EIF2B5: variants seen among roughly 807,000 people sequenced by gnomAD.
EIF2B5 encodes translation initiation factor eIF2B subunit epsilon.
Under a neutral mutation model 87.3 loss-of-function variants are expected in EIF2B5, and 38 were observed. That is an observed-to-expected ratio of 0.44 (90% CI 0.34 to 0.57). EIF2B5 has a LOEUF of 0.57. Ranked by LOEUF, EIF2B5 falls within the 20% of genes least tolerant of loss-of-function variation. EIF2B5 has a pLI of 0.02. For synonymous variants in EIF2B5, 313 were observed against 339.6 expected, an observed-to-expected ratio of 0.92 and a Z score of 0.86; for missense variants, 784 against 909.5, an observed-to-expected ratio of 0.86 and a Z score of 1.78.
chr3:184,138,311 C>T, intron 5 of EIF2B5, 65 bp downstream of exon 5: 1 of 1,352,456 alleles, frequency 7.4e-7, no homozygotes, highest in Non-Finnish European at 1.1e-6. Flanking sequence ...GTTATTGTCC[C>T]CTTAGAAGGC....
In EIF2B5 at chr3:184,140,602, A is replaced by G. The variant is rs113994072; in HGVS notation, c.1028A>G (p.Tyr343Cys). 2 of 1,613,994 alleles carry G rather than the reference A, an allele frequency of 1.2e-6. No individual in the cohort carries two copies. The highest frequency in any genetic ancestry group is 1.1e-5 in the South Asian group (1 of 91,074). The change falls in exon 7 of 16, where the codon TAC becomes TGC. Residue 343 changes from tyrosine to cysteine, a missense_variant. By Grantham distance (194) the Tyr-to-Cys change is radical. Coordinates refer to ENST00000648915, the MANE Select transcript of EIF2B5 (RefSeq NM_003907.3). ...QSCTHSRHNIYRGPEVSLGHG... is the reference protein window; with the variant it reads ...QSCTHSRHNICRGPEVSLGHG... ...TGCACTCATTCCCGGCACAACATCT[A>G]CCGAGGGCCTGAGGTCAGCCTGGGC...
rs142019679 is a variant in EIF2B5, at chr3:184,135,683, C to A, written c.195+103C>A. 2.8e-6 allele frequency: 4 copies of A among 1,444,074 alleles called. No individual in the cohort carries two copies. The African/African-American group carries it at 4.2e-5, about 15-fold the overall frequency. The allele number at this position is 1,444,074 out of a possible 1,614,324, so 89.5% of individuals were successfully genotyped here. A position where few individuals can be genotyped will look rare whatever the true frequency, so the allele number is the denominator to read the frequency against. ...CAACAGCATGCCCTTGAAGGACCTG[C>A]GTCTATGCTGTTATCCTAAAACCGG... On this transcript the variant is annotated intron_variant, in intron 1 of 15. Transcript: ENST00000648915.
rs1034411626 is a variant in EIF2B5, at chr3:184,136,809, G to A, written c.320+73G>A. On this transcript the variant is annotated intron_variant, in intron 2 of 15. Coordinates refer to ENST00000648915, the MANE Select transcript of EIF2B5 (RefSeq NM_003907.3). Reference sequence around the variant, plus strand: ...TTTTTTCAGGATGAATGTAACTAAGGGGAAATGTGAGAGGGGAAAAATGTG... The same window carrying A: ...TTTTTTCAGGATGAATGTAACTAAGAGGAAATGTGAGAGGGGAAAAATGTG... The A allele has an allele frequency of 1.9e-6, 3 of 1,605,378 alleles. No homozygotes were observed. In the African/African-American group the frequency reaches 4.0e-5, roughly 21 times the overall value.
Position 184,142,476 on chromosome 3 carries a change from T to G in EIF2B5, c.1445-26T>G, listed in dbSNP as rs1713682712. On this transcript the variant is annotated intron_variant, in intron 9 of 15. Transcript: ENST00000648915. This position sits in a 1 kb window ranked among gnomAD's most constrained non-coding sequence, Gnocchi z 5.0. ...AGGGATTGGTGCTTCCGCCGGGCCC[T>G]CTCTATAGATCATTGCCTTTTCCAG... 2 of 1,613,914 alleles carry G rather than the reference T, an allele frequency of 1.2e-6. No individual in the cohort carries two copies. The highest frequency in any genetic ancestry group is 2.7e-5 in the African/African-American group (2 of 74,884).
At chr3:184,143,331 C>T (rs755329788) in intron 12 of EIF2B5, 111 bp from the exon 13 acceptor site, 4 of 1,581,578 alleles carry the variant, frequency 2.5e-6, no homozygotes, top group Non-Finnish European at 2.6e-6. Context: ...CCTAAACCCT[C>T]CCCTTCCATA....
rs1366211385 is a variant in EIF2B5 at position 184,142,485 on chromosome 3, A to G, written c.1445-17A>G. 11 of 1,614,040 alleles carry G rather than the reference A, an allele frequency of 6.8e-6. No individual in the cohort carries two copies. The highest frequency in any genetic ancestry group is 9.3e-6 in the Non-Finnish European group (11 of 1,180,012). Reference sequence around the variant, plus strand: ...TGCTTCCGCCGGGCCCTCTCTATAGATCATTGCCTTTTCCAGGTTACAATC... The same window carrying G: ...TGCTTCCGCCGGGCCCTCTCTATAGGTCATTGCCTTTTCCAGGTTACAATC... On this transcript the variant is annotated splice_polypyrimidine_tract_variant and intron_variant, in intron 9 of 15. Coordinates refer to ENST00000648915, the MANE Select transcript of EIF2B5 (RefSeq NM_003907.3). The surrounding 1 kb of genome is among the most constrained non-coding windows in gnomAD (Gnocchi z 5.0).
intron 5 of EIF2B5, 27 bp from the exon 6 acceptor site, chr3:184,140,053 C>A: frequency 7.9e-6 from 12 of 1,524,230 alleles, no homozygotes; most frequent in South Asian, 2.2e-5. Flanking sequence ...GTACTTAATT[C>A]TAGCCCACTC....
chr3:184,140,823 G>A, intron 7 of EIF2B5, 93 bp downstream of exon 7: 3 of 1,426,356 alleles, frequency 2.1e-6, no homozygotes, highest in Admixed American at 1.8e-5. Context: ...CTACACAAGG[G>A]ACAGTCCCTG....
At chr3:184,135,780 T>C in intron 1 of EIF2B5, 200 bp downstream of exon 1, 1 of 681,094 alleles carries the variant, frequency 1.5e-6, no homozygotes, top group South Asian at 1.8e-5. Context: ...GCATTCGTAA[T>C]GCTGTCCACC....
At chr3:184,143,380 C>T in intron 12 of EIF2B5, 62 bp from the exon 13 acceptor site, 1 of 1,613,506 alleles carries the variant, frequency 6.2e-7, no homozygotes, top group Non-Finnish European at 8.5e-7. Flanking sequence ...CTATCAAAGT[C>T]ATAGTTCTAA....
Position 184,136,469 on chromosome 3 carries a change from G to A in EIF2B5, c.196-143G>A, listed in dbSNP as rs528407874. On this transcript the variant is annotated intron_variant, in intron 1 of 15. Coordinates refer to ENST00000648915, the MANE Select transcript of EIF2B5 (RefSeq NM_003907.3). ...TTAGAGCATGGCATGAACATCAAAG[G>A]CAGGAACCTGTTTATCTTTGAATTG... The A allele has an allele frequency of 6.3e-6, 7 of 1,103,748 alleles. No homozygotes were observed. In the East Asian group the frequency reaches 1.7e-4, roughly 27 times the overall value. The allele number at this position is 1,103,748 out of a possible 1,614,324, so 68.4% of individuals were successfully genotyped here.
intron 1 of EIF2B5, 64 bp from the exon 2 acceptor site, chr3:184,136,548 T>C: frequency 1.2e-6 from 2 of 1,603,328 alleles, no homozygotes; most frequent in East Asian, 4.5e-5. Context: ...GAGTGAAAAT[T>C]GTTGCAGTGG....
chr3:184,136,876 A>C (rs1713385842), intron 2 of EIF2B5, 140 bp downstream of exon 2: 1 of 1,210,264 alleles, frequency 8.3e-7, no homozygotes, highest in Non-Finnish European at 1.2e-6. Flanking sequence ...TATTTTCTAC[A>C]CTTATCAGGA....
Position 184,144,162 on chromosome 3 carries a change from G to C in EIF2B5, c.1933G>C (p.Ala645Pro). ...YIKRAADHLE[A>P]LAAIEDFFLE... ...AAAGCGCGCAGCCGACCATTTGGAA[G>C]CGTTAGCAGCCATTGAGGACTTCTT... is the stretch of plus-strand genomic sequence containing the variant. The change falls in exon 14 of 16, where the codon GCG becomes CCG. Residue 645 changes from alanine to proline, a missense_variant. Ala to Pro is a conservative substitution (Grantham distance 27). This residue lies in a region of EIF2B5 where 660 missense variants were observed against 789.5 expected (regional missense o/e 0.84). Coordinates refer to ENST00000648915, the MANE Select transcript of EIF2B5 (RefSeq NM_003907.3). 6.2e-7 allele frequency: 1 copy of C among 1,614,254 alleles called. No homozygotes were observed. Among genetic ancestry groups the C allele is most frequent in the Non-Finnish European group, 8.5e-7 (1 of 1,180,054 alleles).
chr3:184,136,407 C>T (rs1379809018), intron 1 of EIF2B5, among the ~76,000 whole-genome samples: 1 of 152,244 alleles, frequency 6.6e-6, no homozygotes, highest in Non-Finnish European at 1.5e-5. Context: ...AGATTCTGTA[C>T]TTACCATCCC....
At position 184,137,886 on chromosome 3, in the gene EIF2B5, T is replaced by C; in HGVS notation, c.507-12T>C. ...TGCTTTTTTGCAGTTCTGTCCCTCCTGTCCTTTATAGGTTGAGACGGAAGC... is the reference window on the plus strand; with the variant it reads ...TGCTTTTTTGCAGTTCTGTCCCTCCCGTCCTTTATAGGTTGAGACGGAAGC... On this transcript the variant is annotated splice_polypyrimidine_tract_variant and intron_variant, in intron 3 of 15. Coordinates refer to ENST00000648915, the MANE Select transcript of EIF2B5 (RefSeq NM_003907.3). 2.5e-6 allele frequency: 4 copies of C among 1,614,224 alleles called. No homozygotes were observed. The highest frequency in any genetic ancestry group is 3.4e-6 in the Non-Finnish European group (4 of 1,180,042).
Position 184,138,075 on chromosome 3 carries a change from G to A in EIF2B5, c.684G>A (p.Leu228=), listed in dbSNP as rs754126090. The change falls in exon 4 of 16, where the codon CTG becomes CTA. Residue 228 remains leucine, a splice_region_variant and synonymous_variant. Coordinates refer to ENST00000648915, the MANE Select transcript of EIF2B5 (RefSeq NM_003907.3). ...GTCTCCGGCGTTTTGCATTTCCTCT[G>A]GTGTGTGGATATCTGGGGTCCTTTG... The part of the protein sequence containing the change: ...TQGLRRFAFP[L]SLFQGSSDGV... 1.1e-5 allele frequency: 18 copies of A among 1,614,020 alleles called. No homozygotes were observed. Among genetic ancestry groups the A allele is most frequent in the Non-Finnish European group, 1.5e-5 (18 of 1,180,044 alleles).
intron 7 of EIF2B5, 47 bp downstream of exon 7, chr3:184,140,777 C>CT: frequency 6.2e-7 from 1 of 1,605,508 alleles, no homozygotes; most frequent in African/African-American, 1.3e-5. Context: ...GAACAGGAAC[C>CT]TGGGGGGGCC....
At position 184,145,280 on chromosome 3, in the gene EIF2B5, T is replaced by C; in HGVS notation, c.*337T>C. 2 of 401,006 alleles carry C rather than the reference T, an allele frequency of 5.0e-6. No individual in the cohort carries two copies. Among genetic ancestry groups the C allele is most frequent in the Non-Finnish European group, 9.3e-6 (2 of 215,038 alleles). 24.8% of individuals were successfully genotyped at this position (401,006 alleles called of 1,614,324 possible). Reference sequence around the variant, plus strand: ...AGCAGTTGGCTCTTTCTGCTGCTTGTATATGTTAATATTAAAAGAGAGAGT... The same window carrying C: ...AGCAGTTGGCTCTTTCTGCTGCTTGCATATGTTAATATTAAAAGAGAGAGT... On this transcript the variant is annotated 3_prime_UTR_variant, in exon 16 of 16. Coordinates refer to ENST00000648915, the MANE Select transcript of EIF2B5 (RefSeq NM_003907.3). This position sits in a 1 kb window ranked among gnomAD's most constrained non-coding sequence, Gnocchi z 4.0.
Sources: allele counts gnomAD v4.1 joint callset (sites outside exome capture counted in the v4.1 genomes callset), GRCh38; gene constraint gnomAD v4.1.1; regional missense constraint gnomAD v4.1.1; non-coding constraint Gnocchi (gnomAD v3.1); transcripts MANE v1.5; gene names NCBI Gene and HGNC (gene_info 2026-07-23, HGNC 2026-07-21).